Variants in KCNH1 observed in about 807,000 individuals in gnomAD.
KCNH1 encodes the protein potassium voltage-gated channel subfamily H member 1, also known as voltage-gated delayed rectifier potassium channel KCNH1.
A neutral mutation model predicts 69.2 loss-of-function variants in KCNH1; 27 were observed. The ratio of observed to expected loss-of-function variants is 0.39; its 90% CI spans 0.29 to 0.54. The LOEUF (loss-of-function observed/expected upper bound fraction) is 0.54. KCNH1 is among the 20% of genes least tolerant of loss of function. The pLI is 0.68. For synonymous variants in KCNH1, 456 were observed against 487.7 expected, an observed-to-expected ratio of 0.93 and a Z score of 0.86; for missense variants, 798 against 1,261.6, an observed-to-expected ratio of 0.63 and a Z score of 5.57.
intron 10 of KCNH1, among the ~76,000 whole-genome samples, chr1:210,686,883 C>A (rs1681419404): frequency 6.6e-6 from 1 of 152,148 alleles, no homozygotes; most frequent in South Asian, 2.1e-4. Flanking sequence ...CCTAAAAGAG[C>A]AATGATTTTC....
chr1:210,789,519 A>G (rs1294451295), intron 9 of KCNH1, among the ~76,000 whole-genome samples: 5 of 152,376 alleles, frequency 3.3e-5, no homozygotes, highest in Non-Finnish European at 5.9e-5. Context: ...AGACATCTAT[A>G]TGAAAAATAA....
intron 5 of KCNH1, among the ~76,000 whole-genome samples, chr1:211,033,903 TTAAAGTA>T (rs1689845433): frequency 6.7e-6 from 1 of 149,364 alleles, no homozygotes; most frequent in Non-Finnish European, 1.5e-5. Context: ...ACCCTAAAAC[TTAAAGTA>T]TAATCAAAAA....
chr1:210,729,526 T>G (rs1682691197), intron 10 of KCNH1, among the ~76,000 whole-genome samples: 1 of 152,224 alleles, frequency 6.6e-6, no homozygotes, highest in Non-Finnish European at 1.5e-5. Context: ...GAAAGCATAT[T>G]GAAACTCAAG....
chr1:210,746,569 C>CTTTCT (rs1558452258), intron 10 of KCNH1, among the ~76,000 whole-genome samples: 4 of 148,228 alleles, frequency 2.7e-5, no homozygotes, highest in Admixed American at 1.3e-4. Context: ...TTCTTTCTTT[C>CTTTCT]TTTTTTTTTT....
At chr1:211,040,880 C>T (rs148166661) in intron 5 of KCNH1, among the ~76,000 whole-genome samples, 29 of 152,284 alleles carry the variant, frequency 1.9e-4, no homozygotes, top group African/African-American at 6.3e-4. Context: ...CTTGTTTCAA[C>T]AGAGGAAGTG....
In KCNH1 at chr1:211,133,978, T is replaced by TGGGGC. The variant is rs778041711; in HGVS notation, c.-34_-33insGCCCC. On this transcript the variant is annotated 5_prime_UTR_variant, in exon 1 of 11. Transcript: ENST00000271751. This position sits in a 1 kb window ranked among gnomAD's most constrained non-coding sequence, Gnocchi z 5.4. Reference sequence around the variant, plus strand: ...GCAGCTCGGGGTCCGGCGGGCGTCCTGGCGCGGCTTCTTACGACAGCAGGA... The same window carrying TGGGGC: ...GCAGCTCGGGGTCCGGCGGGCGTCCTGGGGCGGCGCGGCTTCTTACGACAGCAGGA... 74 of 1,589,282 alleles carry TGGGGC rather than the reference T, an allele frequency of 4.7e-5. No individual in the cohort carries two copies. Among genetic ancestry groups the TGGGGC allele is most frequent in the Non-Finnish European group, 6.1e-5 (71 of 1,161,280 alleles).
At chr1:210,882,950 A>G (rs1686528050) in intron 7 of KCNH1, among the ~76,000 whole-genome samples, 1 of 152,198 alleles carries the variant, frequency 6.6e-6, no homozygotes, top group South Asian at 2.1e-4. Flanking sequence ...AAACTGTGAA[A>G]AAGACTGTGA....
intron 7 of KCNH1, among the ~76,000 whole-genome samples, chr1:210,827,063 C>T (rs1261537025): frequency 3.3e-5 from 5 of 152,184 alleles, no homozygotes; most frequent in South Asian, 4.1e-4. Context: ...TGTGGCCAAG[C>T]GCAGTGGCTC....
chr1:210,982,672 T>C (rs972264730), intron 6 of KCNH1, among the ~76,000 whole-genome samples: 1 of 152,202 alleles, frequency 6.6e-6, no homozygotes, highest in Non-Finnish European at 1.5e-5. Context: ...TCTATCGTTG[T>C]TGGACATTTG....
intron 10 of KCNH1, among the ~76,000 whole-genome samples, chr1:210,712,261 AAAT>A (rs1682096667): frequency 6.6e-6 from 1 of 152,208 alleles, no homozygotes; most frequent in Non-Finnish European, 1.5e-5. Flanking sequence ...ACTCAAATAA[AAAT>A]AATACTTCTA....
In KCNH1 at chr1:210,820,563, G is replaced by C. The variant is rs145564339; in HGVS notation, c.1463-16397C>G. 8.1e-3 allele frequency among the ~76,000 whole-genome samples: 1,240 copies of C among 152,246 alleles called. 6 individuals are homozygous for C. The highest frequency in any genetic ancestry group is 0.01 in the Non-Finnish European group (694 of 68,018). On this transcript the variant is annotated intron_variant, in intron 7 of 10. Coordinates refer to ENST00000271751, the MANE Select transcript of KCNH1 (RefSeq NM_172362.3). ...GCAGGAGAATTGCTTGAACCCAGGA[G>C]GCAGAGGTTGCAGTGAGCCGAGATC...
At chr1:211,129,499 G>C (rs1003925556) in intron 1 of KCNH1, among the ~76,000 whole-genome samples, 2 of 152,192 alleles carry the variant, frequency 1.3e-5, no homozygotes, top group Non-Finnish European at 2.9e-5. Context: ...AAATGACAAG[G>C]CTTCAGCTTC....
chr1:211,113,687 C>T (rs1558610253), intron 1 of KCNH1, among the ~76,000 whole-genome samples: 1 of 152,174 alleles, frequency 6.6e-6, no homozygotes, highest in Non-Finnish European at 1.5e-5. Context: ...TGTTAGCACT[C>T]CTGAGCCTCC....
rs1688616573 is a variant in KCNH1, at chr1:210,976,621, A to G, written c.1032+42162T>C. Reference sequence around the variant, plus strand: ...TTACTGGGTATATACCCAAAGGATTATAAATCATGCTGCTATAAAGACACA... The same window carrying G: ...TTACTGGGTATATACCCAAAGGATTGTAAATCATGCTGCTATAAAGACACA... On this transcript the variant is annotated intron_variant, in intron 6 of 10. Coordinates refer to ENST00000271751, the MANE Select transcript of KCNH1 (RefSeq NM_172362.3). Among the ~76,000 whole-genome samples, 4 of 146,280 alleles carry G rather than the reference A, an allele frequency of 2.7e-5. No individual in the cohort carries two copies. In the South Asian group the frequency reaches 8.8e-4, roughly 32 times the overall value.
chr1:211,120,008 G>T (rs1691658548), intron 1 of KCNH1, among the ~76,000 whole-genome samples: 1 of 152,086 alleles, frequency 6.6e-6, no homozygotes, highest in South Asian at 2.1e-4. Context: ...TTCACAAGAA[G>T]TATGGAAGAG....
intron 5 of KCNH1, among the ~76,000 whole-genome samples, chr1:211,041,576 C>T (rs769071442): frequency 6.6e-6 from 1 of 152,202 alleles, no homozygotes; most frequent in African/African-American, 2.4e-5. Context: ...ACATATCATA[C>T]ATCAACTTGT....
At chr1:210,759,505 C>G (rs1043158201) in intron 10 of KCNH1, among the ~76,000 whole-genome samples, 1 of 151,818 alleles carries the variant, frequency 6.6e-6, no homozygotes, top group Admixed American at 6.6e-5. Context: ...AAATTCACGG[C>G]AGGAATTTCA....
intron 4 of KCNH1, among the ~76,000 whole-genome samples, chr1:211,086,491 T>C (rs1420951158): frequency 6.6e-6 from 1 of 151,770 alleles, no homozygotes; most frequent in Non-Finnish European, 1.5e-5. Context: ...AACCATACCA[T>C]GATCAGGAAA....
intron 7 of KCNH1, among the ~76,000 whole-genome samples, chr1:210,818,045 A>C (rs1395280173): frequency 6.6e-6 from 1 of 152,098 alleles, no homozygotes; most frequent in Non-Finnish European, 1.5e-5. Flanking sequence ...TTTGAGAACT[A>C]CTGATCTATG....
Sources: gnomAD v4.1 joint callset for allele counts (sites outside exome capture counted in the v4.1 genomes callset) on GRCh38, gnomAD v4.1.1 for gene constraint, Gnocchi (gnomAD v3.1) non-coding constraint, MANE v1.5 for transcripts, NCBI Gene and HGNC (gene_info 2026-07-23, HGNC 2026-07-21) for gene names.